Variants in CBLB observed in about 807,000 individuals in gnomAD.
CBLB encodes the protein E3 ubiquitin-protein ligase CBL-B.
CBLB carries 31 observed loss-of-function variants against 104.9 expected under a neutral mutation model. That is an observed-to-expected ratio of 0.30 (90% CI 0.22 to 0.40). CBLB has a LOEUF of 0.40. CBLB is among the 10% of genes least tolerant of loss of function. The pLI is 1.00. For missense variants in CBLB, 1,062 were observed against 1,214.6 expected (o/e 0.87, Z 1.87); for synonymous variants, 440 against 422.6 (o/e 1.04, Z -0.51).
intron 13 of CBLB, among the ~76,000 whole-genome samples, chr3:105,686,451 G>GA (rs3831886): frequency 0.084 from 11,495 of 136,858 alleles, 564 homozygotes; most frequent in Non-Finnish European, 0.12. Flanking sequence ...AAAAAGGAAG[G>GA]AAAAAAAAAA....
intron 3 of CBLB, among the ~76,000 whole-genome samples, chr3:105,792,979 G>A (rs960115625): frequency 3.9e-5 from 6 of 151,926 alleles, no homozygotes; most frequent in African/African-American, 7.2e-5. Context: ...TTATCCTCTG[G>A]AACTGATTTT....
chr3:105,668,315 T>C (rs1362004998), intron 18 of CBLB, among the ~76,000 whole-genome samples: 5 of 152,178 alleles, frequency 3.3e-5, no homozygotes, highest in Non-Finnish European at 7.4e-5. Context: ...AAATCATATA[T>C]GTGAATGATG....
intron 3 of CBLB, among the ~76,000 whole-genome samples, chr3:105,785,780 C>G (rs2080912607): frequency 6.6e-6 from 1 of 152,042 alleles, no homozygotes. Context: ...TACCTCTTCC[C>G]CAGGATTAAA....
chr3:105,746,502 A>G (rs978667386), intron 5 of CBLB, among the ~76,000 whole-genome samples: 1 of 152,112 alleles, frequency 6.6e-6, no homozygotes, highest in African/African-American at 2.4e-5. Context: ...CATCTTCTCC[A>G]GCCTGCTATT....
chr3:105,709,980 A>G (rs182767248), intron 10 of CBLB, among the ~76,000 whole-genome samples: 2 of 152,058 alleles, frequency 1.3e-5, no homozygotes, highest in Admixed American at 1.3e-4. Flanking sequence ...TCCTTGACAA[A>G]TAATTTGAAA....
chr3:105,832,340 ATGC>A (rs1283813475), intron 3 of CBLB, among the ~76,000 whole-genome samples: 1 of 152,206 alleles, frequency 6.6e-6, no homozygotes, highest in Non-Finnish European at 1.5e-5. Flanking sequence ...ACTTTTAAAT[ATGC>A]TAATCTTCAG....
chr3:105,705,069 G>C (rs2069874463), intron 10 of CBLB, among the ~76,000 whole-genome samples: 1 of 152,112 alleles, frequency 6.6e-6, no homozygotes, highest in African/African-American at 2.4e-5. Flanking sequence ...CTAGCTCTTT[G>C]AAGATTTAGA....
At chr3:105,659,969 G>A (rs1308843593) in intron 18 of CBLB, among the ~76,000 whole-genome samples, 5 of 152,178 alleles carry the variant, frequency 3.3e-5, no homozygotes, top group Admixed American at 1.3e-4. Flanking sequence ...AATATTAGGA[G>A]TAGAGAATTG....
intron 16 of CBLB, among the ~76,000 whole-genome samples, chr3:105,678,773 T>TATAC (rs946067154): frequency 2.6e-5 from 4 of 152,264 alleles, no homozygotes; most frequent in East Asian, 3.9e-4. Context: ...CATGCACACA[T>TATAC]ATACATACAT....
intron 4 of CBLB, among the ~76,000 whole-genome samples, chr3:105,770,393 G>A (rs1560165216): frequency 1.3e-5 from 2 of 152,058 alleles, no homozygotes; most frequent in African/African-American, 4.8e-5. Flanking sequence ...CCAATAGCTG[G>A]AACAGATTTA....
chr3:105,821,463 C>CTAT (rs1350162998), intron 3 of CBLB, among the ~76,000 whole-genome samples: 1 of 152,136 alleles, frequency 6.6e-6, no homozygotes, highest in Non-Finnish European at 1.5e-5. Flanking sequence ...ACAAACCAGT[C>CTAT]TATACAGTAA....
intron 6 of CBLB, among the ~76,000 whole-genome samples, chr3:105,743,311 T>C (rs549750246): frequency 2.0e-5 from 3 of 151,718 alleles, no homozygotes; most frequent in Non-Finnish European, 2.9e-5. Context: ...TACAAAAAAA[T>C]TGGCAAGGCA....
At chr3:105,665,634 A>T (rs1238792103) in intron 18 of CBLB, among the ~76,000 whole-genome samples, 2 of 147,862 alleles carry the variant, frequency 1.4e-5, no homozygotes, top group Non-Finnish European at 1.5e-5. Context: ...TAAACAGATA[A>T]TATAAAATAT....
intron 18 of CBLB, among the ~76,000 whole-genome samples, chr3:105,666,496 G>A (rs2064474905): frequency 1.3e-5 from 2 of 152,012 alleles, no homozygotes; most frequent in Admixed American, 1.3e-4. Context: ...GACCAGCCTG[G>A]CCAACATGGT....
chr3:105,668,171 G>A (rs9288813), intron 18 of CBLB, among the ~76,000 whole-genome samples: 1 of 152,194 alleles, frequency 6.6e-6, no homozygotes, highest in African/African-American at 2.4e-5. Flanking sequence ...ATAGTCAGGA[G>A]TCTTTTATTA....
At chr3:105,869,071 G>T, upstream of CBLB, 1 of 1,043,584 alleles carries the variant, frequency 9.6e-7, no homozygotes, top group Non-Finnish European at 1.2e-6. Flanking sequence ...GCGGGGGCGG[G>T]GCCGGGCGCC....
chr3:105,790,796 C>A (rs2152994299), intron 3 of CBLB, among the ~76,000 whole-genome samples: 1 of 152,236 alleles, frequency 6.6e-6, no homozygotes, highest in South Asian at 2.1e-4. Context: ...ACCAGTATGG[C>A]AATATGACAG....
chr3:105,854,911 G>A (rs1483798915), intron 2 of CBLB, among the ~76,000 whole-genome samples: 1 of 152,132 alleles, frequency 6.6e-6, no homozygotes, highest in East Asian at 1.9e-4. Context: ...GATTACAGGT[G>A]TGCGCCACCG....
At chr3:105,834,283 G>T (rs1033281611) in intron 3 of CBLB, among the ~76,000 whole-genome samples, 2 of 152,176 alleles carry the variant, frequency 1.3e-5, no homozygotes, top group Non-Finnish European at 2.9e-5. Context: ...ATGTTAATTA[G>T]CTTGATTTAG....
Sources: gnomAD v4.1 joint callset for allele counts (sites outside exome capture counted in the v4.1 genomes callset) on GRCh38, gnomAD v4.1.1 for gene constraint, MANE v1.5 for transcripts, NCBI Gene and HGNC (gene_info 2026-07-23, HGNC 2026-07-21) for gene names.